The following LUZP2 variants were observed in gnomAD, a reference collection of about 807,000 sequenced individuals.
The protein encoded by LUZP2 is leucine zipper protein 2.
In LUZP2, 52 loss-of-function variants were observed where a neutral mutation model predicts 51.6. The observed-to-expected ratio is 1.01, with a 90% CI of 0.81 to 1.27. The LOEUF (loss-of-function observed/expected upper bound fraction) is 1.27, where lower values mean the gene tolerates loss of function less well. LUZP2 is among the 50% of genes most tolerant of loss of function. The pLI is 0.00. For missense variants in LUZP2, 436 were observed against 395.4 expected, an observed-to-expected ratio of 1.10 and a Z score of -0.87; for synonymous variants, 154 against 137.3, an observed-to-expected ratio of 1.12 and a Z score of -0.85.
At chr11:24,923,342 C>G (rs1020936586) in intron 7 of LUZP2, among the ~76,000 whole-genome samples, 2 of 151,930 alleles carry the variant, frequency 1.3e-5, no homozygotes, top group African/African-American at 4.8e-5. Flanking sequence ...AGGAAAAAGT[C>G]AAACTTGAAA....
At chr11:25,060,756 T>C (rs773476750) in intron 10 of LUZP2, among the ~76,000 whole-genome samples, 2 of 152,174 alleles carry the variant, frequency 1.3e-5, no homozygotes, top group Non-Finnish European at 2.9e-5. Flanking sequence ...TATAACAACA[T>C]ATTAGTGGAT....
intron 1 of LUZP2, among the ~76,000 whole-genome samples, chr11:24,518,370 T>A (rs59912639): frequency 0.094 from 14,367 of 152,168 alleles, 987 homozygotes; most frequent in African/African-American, 0.19. Context: ...TTTTTTTTAA[T>A]GTCTGATATG....
At chr11:24,552,326 A>C (rs1339670722) in intron 1 of LUZP2, among the ~76,000 whole-genome samples, 1 of 152,034 alleles carries the variant, frequency 6.6e-6, no homozygotes, top group African/African-American at 2.4e-5. Context: ...TAATGATAAA[A>C]ATTCTCACAA....
intron 7 of LUZP2, among the ~76,000 whole-genome samples, chr11:24,928,440 G>A (rs189953535): frequency 5.3e-5 from 8 of 151,980 alleles, no homozygotes; most frequent in African/African-American, 1.9e-4. Flanking sequence ...ATCATAAAGG[G>A]ATGCTGGATT....
chr11:24,901,972 G>A (rs569206874), intron 5 of LUZP2, among the ~76,000 whole-genome samples: 73 of 152,146 alleles, frequency 4.8e-4, no homozygotes, highest in Middle Eastern at 3.4e-3. Flanking sequence ...GTAAAATATA[G>A]CAGTGTAATA....
At chr11:25,000,965 T>C (rs1394291198) in intron 9 of LUZP2, among the ~76,000 whole-genome samples, 1 of 152,142 alleles carries the variant, frequency 6.6e-6, no homozygotes, top group Admixed American at 6.6e-5. Context: ...CTATTCTGGT[T>C]CCTGTAGCAG....
intron 7 of LUZP2, among the ~76,000 whole-genome samples, chr11:24,934,672 G>T (rs1434806281): frequency 6.6e-6 from 1 of 152,074 alleles, no homozygotes; most frequent in African/African-American, 2.4e-5. Context: ...GTCAGGACTT[G>T]TAAATACATT....
intron 7 of LUZP2, among the ~76,000 whole-genome samples, chr11:24,972,149 A>AC (rs1565176330): frequency 2.7e-5 from 4 of 150,150 alleles, no homozygotes; most frequent in African/African-American, 7.3e-5. Context: ...GAAAAAAAAA[A>AC]AAAAAAAAAA....
intron 1 of LUZP2, among the ~76,000 whole-genome samples, chr11:24,671,036 T>G (rs1395134965): frequency 6.6e-6 from 1 of 151,906 alleles, no homozygotes; most frequent in Non-Finnish European, 1.5e-5. Context: ...TTTATCCTAA[T>G]GAGCATTAGA....
Position 24,616,480 on chromosome 11 carries a change from T to C in LUZP2, c.63-112689T>C, listed in dbSNP as rs56175528. 1.6e-3 allele frequency among the ~76,000 whole-genome samples: 244 copies of C among 151,654 alleles called. 2 individuals carry two copies. The South Asian group carries it at 0.018, about 11-fold the overall frequency. The stretch of plus-strand genomic sequence containing the variant: ...GTGTGGTATTTGGCGTGCGCATGTG[T>C]GTGTGTGTGTGTGTGTGTGTGTATG... On this transcript the variant is annotated intron_variant, in intron 1 of 11. Transcript: ENST00000336930.
At chr11:24,925,702 C>T (rs891848055) in intron 7 of LUZP2, among the ~76,000 whole-genome samples, 2 of 151,470 alleles carry the variant, frequency 1.3e-5, no homozygotes, top group South Asian at 2.1e-4. Flanking sequence ...CTAAAAGTAT[C>T]GAAATTTATT....
intron 1 of LUZP2, among the ~76,000 whole-genome samples, chr11:24,607,341 CTTTTTTTTTTTT>C (rs57741208): frequency 1.3e-4 from 8 of 63,406 alleles, no homozygotes; most frequent in East Asian, 2.0e-3. Flanking sequence ...GATATTATGT[CTTTTTTTTTTTT>C]TTTTTTTTTT....
intron 2 of LUZP2, 33 bp from the exon 3 acceptor site, chr11:24,732,085 A>C: frequency 6.4e-7 from 1 of 1,556,788 alleles, no homozygotes; most frequent in South Asian, 1.1e-5. Context: ...TTCTCACCTG[A>C]ATAAAACTTC....
At chr11:24,649,764 G>A (rs933523409) in intron 1 of LUZP2, among the ~76,000 whole-genome samples, 26 of 151,968 alleles carry the variant, frequency 1.7e-4, no homozygotes, top group Middle Eastern at 3.4e-3. Flanking sequence ...GCAAAAGGCC[G>A]TCCTCACATA....
intron 5 of LUZP2, among the ~76,000 whole-genome samples, chr11:24,794,103 A>G (rs1223889590): frequency 6.6e-6 from 1 of 152,082 alleles, no homozygotes; most frequent in Non-Finnish European, 1.5e-5. Flanking sequence ...CTGATCCTAA[A>G]TAGAACATTA....
chr11:24,663,793 A>C (rs1367395834), intron 1 of LUZP2, among the ~76,000 whole-genome samples: 2 of 152,052 alleles, frequency 1.3e-5, no homozygotes, highest in Admixed American at 1.3e-4. Context: ...TAAGTTCTTA[A>C]GAGATCTGAT....
At chr11:24,774,571 AG>A (rs1228963007) in intron 5 of LUZP2, among the ~76,000 whole-genome samples, 3 of 25,134 alleles carry the variant, frequency 1.2e-4, no homozygotes, top group African/African-American at 4.9e-4. Flanking sequence ...ATATATATGT[AG>A]AATATATATA....
At chr11:24,529,017 C>T (rs1291508985) in intron 1 of LUZP2, among the ~76,000 whole-genome samples, 3 of 151,000 alleles carry the variant, frequency 2.0e-5, no homozygotes, top group Non-Finnish European at 4.5e-5. Context: ...TAGCGCAAAA[C>T]CTATCCTCTG....
At chr11:24,646,965 CT>C (rs1855480930) in intron 1 of LUZP2, among the ~76,000 whole-genome samples, 1 of 151,992 alleles carries the variant, frequency 6.6e-6, no homozygotes, top group African/African-American at 2.4e-5. Flanking sequence ...GCACTGTTGA[CT>C]TTTCATTACT....
Sources: gnomAD v4.1 joint callset for allele counts (sites outside exome capture counted in the v4.1 genomes callset) on GRCh38, gnomAD v4.1.1 for gene constraint, MANE v1.5 for transcripts, NCBI Gene and HGNC (gene_info 2026-07-23, HGNC 2026-07-21) for gene names.